The following EFCAB13 variants were observed in gnomAD, a reference collection of about 807,000 sequenced individuals.
The protein encoded by EFCAB13 is EF-hand calcium binding domain 13.
A neutral mutation model predicts 110.2 loss-of-function variants in EFCAB13; 91 were observed. The ratio of observed to expected loss-of-function variants is 0.83; its 90% CI spans 0.70 to 0.98. EFCAB13 has a LOEUF of 0.98. Ranked by LOEUF, EFCAB13 falls within the 50% of genes least tolerant of loss-of-function variation. The pLI is 0.00. For synonymous variants in EFCAB13, 323 were observed against 369.9 expected, an observed-to-expected ratio of 0.87 and a Z score of 1.45; for missense variants, 968 against 1,119.4, an observed-to-expected ratio of 0.86 and a Z score of 1.93.
Position 47,440,900 on chromosome 17 carries a change from A to C in EFCAB13, c.*186A>C. 1 of 468,942 alleles carries C rather than the reference A, an allele frequency of 2.1e-6. No homozygotes were observed. Among genetic ancestry groups the C allele is most frequent in the Non-Finnish European group, 3.7e-6 (1 of 273,036 alleles). The allele number at this position is 468,942 out of a possible 1,614,324, so 29.0% of individuals were successfully genotyped here. On this transcript the variant is annotated 3_prime_UTR_variant, in exon 25 of 25. Coordinates refer to ENST00000331493, the MANE Select transcript of EFCAB13 (RefSeq NM_152347.5). ...TCTTGATCACACTTTTTAAACATTC[A>C]TGCTTTTTGAGGTATAATGTACATA...
At chr17:47,373,986 A>G (rs999125049) in intron 11 of EFCAB13, among the ~76,000 whole-genome samples, 3 of 152,150 alleles carry the variant, frequency 2.0e-5, no homozygotes, top group African/African-American at 7.2e-5. Flanking sequence ...GCATTGTGTT[A>G]ATAATTTTCT....
In EFCAB13 at chr17:47,440,834, T is replaced by G; in HGVS notation, c.*120T>G. 1 of 799,746 alleles carries G rather than the reference T, an allele frequency of 1.3e-6. No individual in the cohort carries two copies. Among genetic ancestry groups the G allele is most frequent in the Non-Finnish European group, 1.9e-6 (1 of 535,746 alleles). The allele number at this position is 799,746 out of a possible 1,614,324, so 49.5% of individuals were successfully genotyped here. ...ACTTTTGACAAATCCAGTAGAATTT[T>G]TATCACTATCTGTTATGTTCTCATG... On this transcript the variant is annotated 3_prime_UTR_variant, in exon 25 of 25. Coordinates refer to ENST00000331493, the MANE Select transcript of EFCAB13 (RefSeq NM_152347.5).
intron 14 of EFCAB13, among the ~76,000 whole-genome samples, chr17:47,386,770 G>A (rs146583680): frequency 3.2e-3 from 489 of 152,256 alleles, no homozygotes; most frequent in African/African-American, 0.011. Context: ...GTGTAGGCAC[G>A]CGAAGGAATC....
chr17:47,423,617 C>T lies in EFCAB13; in HGVS notation c.2495-6201C>T, dbSNP rs1285527427. ...AACCCGCGACGGCCGCCGCGCGCCC[C>T]GGTCCATTGTTTCGCTTCTCTGGGT... On this transcript the variant is annotated intron_variant, in intron 23 of 24. Transcript: ENST00000331493. The T allele has an allele frequency of 2.8e-5, 10 of 357,266 alleles. No individual in the cohort carries two copies. In the East Asian group the frequency reaches 4.2e-4, roughly 15 times the overall value. 22.1% of individuals were successfully genotyped at this position (357,266 alleles called of 1,614,324 possible).
At chr17:47,342,057 CT>C in intron 6 of EFCAB13, 25 bp downstream of exon 6, 1 of 1,347,786 alleles carries the variant, frequency 7.4e-7, no homozygotes, top group Non-Finnish European at 1.0e-6. Flanking sequence ...GGAAATTTTT[CT>C]TTTACCTTCA....
chr17:47,369,104 G>T (rs1053217939), intron 10 of EFCAB13, among the ~76,000 whole-genome samples: 1 of 152,276 alleles, frequency 6.6e-6, no homozygotes, highest in East Asian at 1.9e-4. Context: ...GTGAAAAATG[G>T]TATATGAACC....
intron 17 of EFCAB13, among the ~76,000 whole-genome samples, chr17:47,397,060 G>A (rs540973849): frequency 5.1e-5 from 5 of 97,354 alleles, no homozygotes; most frequent in African/African-American, 1.2e-4. Context: ...CTCTCATGCC[G>A]AGCCGAAGCT....
intron 9 of EFCAB13, among the ~76,000 whole-genome samples, chr17:47,355,655 C>T (rs1214217157): frequency 6.6e-6 from 1 of 151,150 alleles, no homozygotes; most frequent in East Asian, 2.0e-4. Context: ...TTACTGCAAC[C>T]TCTGCCTCCC....
intron 17 of EFCAB13, among the ~76,000 whole-genome samples, 198 bp downstream of exon 17, chr17:47,396,175 A>G (rs2065737097): frequency 6.6e-6 from 1 of 152,148 alleles, no homozygotes; most frequent in Non-Finnish European, 1.5e-5. Context: ...TTATTATGTA[A>G]TTTATTATTG....
At chr17:47,406,931 G>C (rs569986982) in intron 20 of EFCAB13, among the ~76,000 whole-genome samples, 1 of 152,308 alleles carries the variant, frequency 6.6e-6, no homozygotes, top group Non-Finnish European at 1.5e-5. Flanking sequence ...AAAATCCTGA[G>C]AGATGCCTTT....
chr17:47,350,671 A>G (rs1391530215), intron 9 of EFCAB13, among the ~76,000 whole-genome samples: 1 of 151,838 alleles, frequency 6.6e-6, no homozygotes, highest in Non-Finnish European at 1.5e-5. Flanking sequence ...TCCTTTTGCC[A>G]GGAGTCTTGT....
intron 12 of EFCAB13, among the ~76,000 whole-genome samples, chr17:47,375,621 G>T (rs1319940998): frequency 6.6e-6 from 1 of 151,976 alleles, no homozygotes; most frequent in African/African-American, 2.4e-5. Context: ...ATAGACTAAT[G>T]GATATAATAT....
chr17:47,411,067 G>A (rs1233048147), intron 21 of EFCAB13, among the ~76,000 whole-genome samples: 2 of 152,068 alleles, frequency 1.3e-5, no homozygotes, highest in African/African-American at 4.8e-5. Flanking sequence ...CAGAGTCCTG[G>A]CTCTTTAATT....
intron 14 of EFCAB13, among the ~76,000 whole-genome samples, chr17:47,383,628 C>T (rs1247175627): frequency 6.6e-6 from 1 of 152,170 alleles, no homozygotes; most frequent in African/African-American, 2.4e-5. Flanking sequence ...AATTTGATTG[C>T]ACTGTGGTCT....
In EFCAB13 at chr17:47,440,563, T is replaced by A. The variant is rs558904727; in HGVS notation, c.2771T>A (p.Met924Lys). The A allele has an allele frequency of 1.9e-6, 3 of 1,613,354 alleles. No individual in the cohort carries two copies. The South Asian group carries it at 3.3e-5, about 18-fold the overall frequency. Residue 924 changes from methionine (M) to lysine (K), a missense_variant, in exon 25 of 25, where the codon ATG becomes AAG. By Grantham distance (95) the Met-to-Lys change is moderately conservative. Coordinates refer to ENST00000331493, the MANE Select transcript of EFCAB13 (RefSeq NM_152347.5). Reference sequence around the variant, plus strand: ...CTAGAAAGGCAAGCAGTGGTTTACATGTTAAAAACAATACAGGATTCGATA... The same window carrying A: ...CTAGAAAGGCAAGCAGTGGTTTACAAGTTAAAAACAATACAGGATTCGATA... Reference protein sequence around the residue: ...PDLERQAVVYMLKTIQDSIVK... With the variant: ...PDLERQAVVYKLKTIQDSIVK...
At chr17:47,388,215 T>C (rs1246814703) in intron 14 of EFCAB13, among the ~76,000 whole-genome samples, 1 of 152,208 alleles carries the variant, frequency 6.6e-6, no homozygotes, top group African/African-American at 2.4e-5. Context: ...GGAATGGTTT[T>C]CCTGTAAAGG....
intron 9 of EFCAB13, among the ~76,000 whole-genome samples, chr17:47,354,432 C>G (rs2065469443): frequency 6.6e-6 from 1 of 152,056 alleles, no homozygotes; most frequent in African/African-American, 2.4e-5. Context: ...TCTTTGTTGA[C>G]TTTCTGTCTT....
At chr17:47,421,730 A>C (rs1904726626) in intron 23 of EFCAB13, among the ~76,000 whole-genome samples, 1 of 152,164 alleles carries the variant, frequency 6.6e-6, no homozygotes, top group Admixed American at 6.5e-5. Flanking sequence ...TACTAAGAGG[A>C]TCTTATACTT....
intron 6 of EFCAB13, 67 bp downstream of exon 6, chr17:47,342,099 T>A: frequency 1.1e-6 from 1 of 884,186 alleles, no homozygotes; most frequent in Non-Finnish European, 1.8e-6. Context: ...AACATTCCCT[T>A]AAATTTTTTA....
Sources: gnomAD v4.1 joint callset for allele counts (sites outside exome capture counted in the v4.1 genomes callset) on GRCh38, gnomAD v4.1.1 for gene constraint, MANE v1.5 for transcripts, NCBI Gene and HGNC (gene_info 2026-07-23, HGNC 2026-07-21) for gene names.